The following DPF3 variants were observed in gnomAD, a reference collection of about 807,000 sequenced individuals.
The protein encoded by DPF3 is zinc finger protein DPF3.
A neutral mutation model predicts 56.8 loss-of-function variants in DPF3; 18 were observed. The observed-to-expected ratio is 0.32, with a 90% CI of 0.22 to 0.47. The LOEUF is 0.47. Among genes scored for constraint, DPF3 ranks in the 20% least tolerant of loss-of-function variants. The pLI, the probability that DPF3 is intolerant of heterozygous loss-of-function variation, is 1.00. For missense variants in DPF3, 403 were observed against 488.8 expected (o/e 0.82, Z 1.65); for synonymous variants, 188 against 180.2 (o/e 1.04, Z -0.35).
In DPF3 at chr14:72,845,926, A is replaced by G. The variant is rs548847646; in HGVS notation, c.32+48131T>C. 1.5e-3 allele frequency among the ~76,000 whole-genome samples: 229 copies of G among 152,074 alleles called. 1 individual carries two copies. Among genetic ancestry groups the G allele is most frequent in the Non-Finnish European group, 2.8e-3 (189 of 68,006 alleles). ...AACCCTTGTCAGTGCAGCACCCGGC[A>G]GGGCGATTTTTACATTTTTCTCCTC... On this transcript the variant is annotated intron_variant, in intron 1 of 10. Coordinates refer to ENST00000556509, the MANE Select transcript of DPF3 (RefSeq NM_001280542.3).
At chr14:72,733,674 G>T (rs1170041057) in intron 3 of DPF3, among the ~76,000 whole-genome samples, 1 of 152,186 alleles carries the variant, frequency 6.6e-6, no homozygotes, top group African/African-American at 2.4e-5. Flanking sequence ...AGCCTACCGA[G>T]CTCCGAGCAG....
At chr14:72,748,257 T>C (rs1395444855) in intron 3 of DPF3, among the ~76,000 whole-genome samples, 1 of 152,260 alleles carries the variant, frequency 6.6e-6, no homozygotes, top group East Asian at 1.9e-4. Flanking sequence ...AAGGTGACTC[T>C]TGTTACATTT....
rs1884231579 is a variant in DPF3, at chr14:72,618,627, T to C, written c.*670A>G. On this transcript the variant is annotated 3_prime_UTR_variant, in exon 11 of 11. Transcript: ENST00000556509. ...ACCATTTCCACAATGTTTCCTCCCA[T>C]GTCTCTGCGCGTCTCCCTCCCTCCC... Among the ~76,000 whole-genome samples the C allele has an allele frequency of 6.6e-6, 1 of 152,110 alleles. No individual in the cohort carries two copies. The highest frequency in any genetic ancestry group is 6.6e-5 in the Admixed American group (1 of 15,254).
intron 8 of DPF3, 105 bp downstream of exon 8, chr14:72,674,135 A>G: frequency 7.1e-7 from 1 of 1,418,278 alleles, no homozygotes; most frequent in Non-Finnish European, 9.3e-7. Context: ...AAGCATTGCC[A>G]CCATCGCTTC....
intron 1 of DPF3, among the ~76,000 whole-genome samples, chr14:72,855,622 C>T (rs1367223724): frequency 6.6e-6 from 1 of 152,046 alleles, no homozygotes; most frequent in African/African-American, 2.4e-5. Flanking sequence ...GAGTTCTCTC[C>T]ATGGTCTCAG....
intron 3 of DPF3, among the ~76,000 whole-genome samples, chr14:72,750,803 A>T (rs2139896539): frequency 6.6e-6 from 1 of 150,800 alleles, no homozygotes; most frequent in Admixed American, 6.6e-5. Flanking sequence ...AAAAAAAAAA[A>T]AAAAAAAAAA....
chr14:72,714,284 G>A (rs1378659919), intron 6 of DPF3, 139 bp downstream of exon 6: 15 of 1,076,450 alleles, frequency 1.4e-5, no homozygotes, highest in South Asian at 9.4e-5. Flanking sequence ...GGCGGCAGGC[G>A]AGTAAGCTGG....
chr14:72,807,799 TC>T (rs1296041619), intron 1 of DPF3, among the ~76,000 whole-genome samples: 7 of 152,134 alleles, frequency 4.6e-5, no homozygotes, highest in Non-Finnish European at 1.0e-4. Flanking sequence ...AGACCCCATC[TC>T]TACAACAAAT....
In DPF3 at chr14:72,610,541, A is replaced by G. The variant is rs754074812; in HGVS notation, c.*8756T>C. On this transcript the variant is annotated 3_prime_UTR_variant, in exon 11 of 11. Coordinates refer to ENST00000556509, the MANE Select transcript of DPF3 (RefSeq NM_001280542.3). ...TGCTCCATGTCTTGGCTGTCAGAGA[A>G]ATTGAGCTTACAAATTGCCCTCACC... Among the ~76,000 whole-genome samples the G allele has an allele frequency of 3.9e-5, 6 of 152,236 alleles. No homozygotes were observed. The highest frequency in any genetic ancestry group is 5.9e-5 in the Non-Finnish European group (4 of 68,040).
Position 72,615,119 on chromosome 14 carries a change from C to A in DPF3, c.*4178G>T, listed in dbSNP as rs1212867616. On this transcript the variant is annotated 3_prime_UTR_variant, in exon 11 of 11. Transcript: ENST00000556509. ...CCCCCTGAAGAGGGGCTAGGAGGGG[C>A]AGCCGGGGAGTGAGAGAAGAAGGGG... Among the ~76,000 whole-genome samples the A allele has an allele frequency of 6.6e-6, 1 of 152,158 alleles. No individual in the cohort carries two copies. The highest frequency in any genetic ancestry group is 1.5e-5 in the Non-Finnish European group (1 of 68,020).
intron 1 of DPF3, among the ~76,000 whole-genome samples, chr14:72,849,618 T>A (rs1326855238): frequency 6.6e-6 from 1 of 152,144 alleles, no homozygotes; most frequent in Non-Finnish European, 1.5e-5. Context: ...ACCTTCACCC[T>A]AACTTCATCC....
intron 1 of DPF3, among the ~76,000 whole-genome samples, chr14:72,778,033 T>C (rs978963153): frequency 6.6e-6 from 1 of 152,176 alleles, no homozygotes; most frequent in Non-Finnish European, 1.5e-5. Context: ...GAGCAAGCTC[T>C]CTCACTCTCT....
intron 8 of DPF3, among the ~76,000 whole-genome samples, chr14:72,664,224 C>T (rs376533274): frequency 1.3e-5 from 2 of 152,278 alleles, no homozygotes; most frequent in East Asian, 3.9e-4. Flanking sequence ...CTGTCCCTCT[C>T]CCAGTGCCCT....
intron 8 of DPF3, chr14:72,661,157 T>C: frequency 3.0e-6 from 3 of 985,238 alleles, no homozygotes; most frequent in Non-Finnish European, 3.6e-6. Flanking sequence ...CTTGTGGGAG[T>C]TGGTTGGAAA....
chr14:72,890,829 G>A (rs1886722662), intron 1 of DPF3, among the ~76,000 whole-genome samples: 1 of 152,160 alleles, frequency 6.6e-6, no homozygotes, highest in African/African-American at 2.4e-5. Flanking sequence ...TTTGTGATCT[G>A]ATCAGTGCAG....
intron 2 of DPF3, among the ~76,000 whole-genome samples, chr14:72,756,863 A>AGGAAG (rs1461806204): frequency 8.1e-5 from 9 of 110,826 alleles, no homozygotes; most frequent in African/African-American, 3.1e-4. Context: ...AAAGAAAGAA[A>AGGAAG]GAAAGAAAGG....
chr14:72,748,071 C>T (rs942347125), intron 3 of DPF3, among the ~76,000 whole-genome samples: 30 of 152,324 alleles, frequency 2.0e-4, no homozygotes, highest in Non-Finnish European at 3.8e-4. Flanking sequence ...GGGTAACAGG[C>T]AGAGGTTGGA....
chr14:72,676,399 A>C (rs1460692560), intron 7 of DPF3, among the ~76,000 whole-genome samples: 2 of 152,176 alleles, frequency 1.3e-5, no homozygotes, highest in Non-Finnish European at 2.9e-5. Context: ...CAAGATCTTT[A>C]AGCAACTAAA....
At position 72,615,788 on chromosome 14, in the gene DPF3, C is replaced by T. The variant is rs184440321; in HGVS notation, c.*3509G>A. Reference sequence around the variant, plus strand: ...CAAAGGAAAGCCAGAATGTCAATCTCCTAGCAGGAGCCCTGTTTCTATTTC... The same window carrying T: ...CAAAGGAAAGCCAGAATGTCAATCTTCTAGCAGGAGCCCTGTTTCTATTTC... On this transcript the variant is annotated 3_prime_UTR_variant, in exon 11 of 11. Coordinates refer to ENST00000556509, the MANE Select transcript of DPF3 (RefSeq NM_001280542.3). Among the ~76,000 whole-genome samples the T allele has an allele frequency of 1.3e-5, 2 of 152,256 alleles. No individual in the cohort carries two copies. Among genetic ancestry groups the T allele is most frequent in the African/African-American group, 4.8e-5 (2 of 41,470 alleles).
Sources: allele counts gnomAD v4.1 joint callset (sites outside exome capture counted in the v4.1 genomes callset), GRCh38; gene constraint gnomAD v4.1.1; transcripts MANE v1.5; gene names NCBI Gene and HGNC (gene_info 2026-07-23, HGNC 2026-07-21).